Variants in ANPEP observed in about 807,000 individuals in gnomAD.
ANPEP encodes aminopeptidase N.
Under a neutral mutation model 114.6 loss-of-function variants are expected in ANPEP, and 70 were observed. That is an observed-to-expected ratio of 0.61 (90% CI 0.50 to 0.75). The LOEUF (loss-of-function observed/expected upper bound fraction) is 0.75, where lower values mean the gene tolerates loss of function less well. Among genes scored for constraint, ANPEP ranks in the 30% least tolerant of loss-of-function variants. The pLI, the probability that ANPEP is intolerant of heterozygous loss-of-function variation, is 0.00. For missense variants in ANPEP, 1,184 were observed against 1,259.5 expected, an observed-to-expected ratio of 0.94 and a Z score of 0.91; for synonymous variants, 548 against 522.3, an observed-to-expected ratio of 1.05 and a Z score of -0.67.
chr15:89,805,866 C>T, intron 2 of ANPEP, 104 bp downstream of exon 2: 1 of 1,459,384 alleles, frequency 6.9e-7, no homozygotes, highest in Non-Finnish European at 9.2e-7. Context: ...TCGGGCTCCA[C>T]AGGGTTCAAA....
rs1894655910 is a variant in ANPEP, at chr15:89,804,096, C to T, written c.1180-94G>A. 1.9e-6 allele frequency: 3 copies of T among 1,551,704 alleles called. No individual in the cohort carries two copies. The Admixed American group carries it at 5.1e-5, about 26-fold the overall frequency. On this transcript the variant is annotated intron_variant, in intron 6 of 20. Coordinates refer to ENST00000300060, the MANE Select transcript of ANPEP (RefSeq NM_001150.3). The stretch of plus-strand genomic sequence containing the variant: ...TCCCCAGGGCTGGCCATCTGCCAGG[C>T]ACAGTGGGGATTTCAACACCATCGT...
chr15:89,813,917 G>T (rs925488283), intron 1 of ANPEP, among the ~76,000 whole-genome samples: 1 of 152,094 alleles, frequency 6.6e-6, no homozygotes, highest in Non-Finnish European at 1.5e-5. Flanking sequence ...GGGCTGAGGT[G>T]GGGGAGGAGT....
Position 89,805,972 on chromosome 15 carries a change from T to A in ANPEP, c.612A>T (p.Arg204Ser), listed in dbSNP as rs1454087553. ...YRSEYMEGNVRKVVATTQMQA... is the reference protein window; with the variant it reads ...YRSEYMEGNVSKVVATTQMQA... ...CGGGCAGCCCAGCCGGAACTCACTTTCTGACATTGCCCTCCATGTACTCGC... is the reference window on the plus strand; with the variant it reads ...CGGGCAGCCCAGCCGGAACTCACTTACTGACATTGCCCTCCATGTACTCGC... Residue 204 changes from arginine to serine, a missense_variant and splice_region_variant, in exon 2 of 21, where the codon AGA becomes AGT. Coordinates refer to ENST00000300060, the MANE Select transcript of ANPEP (RefSeq NM_001150.3). 1.3e-6 allele frequency: 2 copies of A among 1,583,184 alleles called. No homozygotes were observed. Among genetic ancestry groups the A allele is most frequent in the East Asian group, 4.5e-5 (2 of 44,458 alleles).
Position 89,805,318 on chromosome 15 carries a change from C to G in ANPEP, c.757+3G>C, listed in dbSNP as rs767089576. ...CCTGTGGCCGCAGGCAGGGCCCACTCACCTTTGGGAAGCATGTTGGACAGG... is the reference window on the plus strand; with the variant it reads ...CCTGTGGCCGCAGGCAGGGCCCACTGACCTTTGGGAAGCATGTTGGACAGG... On this transcript the variant is annotated splice_donor_region_variant and intron_variant, in intron 3 of 20. Transcript: ENST00000300060. 1 of 1,613,526 alleles carries G rather than the reference C, an allele frequency of 6.2e-7. No individual in the cohort carries two copies.
chr15:89,785,038 C>T lies in ANPEP; in HGVS notation c.*311G>A, dbSNP rs576849356. 5.4e-5 allele frequency: 18 copies of T among 336,436 alleles called. No individual in the cohort carries two copies. The highest frequency in any genetic ancestry group is 8.2e-5 in the Admixed American group (2 of 24,276). 20.8% of individuals were successfully genotyped at this position (336,436 alleles called of 1,614,324 possible). ...CCCAGCAAGGCCGTTCATTGTCCAT[C>T]GAGAGCTTCTGCTCATCTGGCCCTG... On this transcript the variant is annotated 3_prime_UTR_variant, in exon 21 of 21. Transcript: ENST00000300060.
chr15:89,814,459 C>T (rs1235648752), intron 1 of ANPEP, among the ~76,000 whole-genome samples: 7 of 152,066 alleles, frequency 4.6e-5, no homozygotes, highest in South Asian at 2.1e-4. Flanking sequence ...CCGCCCTCCC[C>T]GTCCGTCCTC....
At position 89,799,418 on chromosome 15, in the gene ANPEP, A is replaced by G. The variant is rs1436352186; in HGVS notation, c.1953+8T>C. ...CAGGGGGCAGGGCGAGGGGTGGCAGACACTCACCGAGTGGTCTCTCTGCAG... is the reference window on the plus strand; with the variant it reads ...CAGGGGGCAGGGCGAGGGGTGGCAGGCACTCACCGAGTGGTCTCTCTGCAG... On this transcript the variant is annotated splice_region_variant and intron_variant, in intron 13 of 20. Coordinates refer to ENST00000300060, the MANE Select transcript of ANPEP (RefSeq NM_001150.3). This position sits in a 1 kb window ranked among gnomAD's most constrained non-coding sequence, Gnocchi z 4.2. The G allele has an allele frequency of 6.2e-7, 1 of 1,614,130 alleles. No individual in the cohort carries two copies. Among genetic ancestry groups the G allele is most frequent in the East Asian group, 2.2e-5 (1 of 44,886 alleles).
chr15:89,803,157 C>T lies in ANPEP; in HGVS notation c.1569+82G>A, dbSNP rs939352123. ...TCAGCCGCGGAGCTGGACCCATTCT[C>T]TTACGCATGTGCTGCCCCCAGGTAC... On this transcript the variant is annotated intron_variant, in intron 10 of 20. Transcript: ENST00000300060. The surrounding 1 kb of genome is among the most constrained non-coding windows in gnomAD (Gnocchi z 4.2). 3.4e-6 allele frequency: 5 copies of T among 1,485,538 alleles called. No individual in the cohort carries two copies. The South Asian group carries it at 5.7e-5, about 17-fold the overall frequency. The allele number at this position is 1,485,538 out of a possible 1,614,324, so 92.0% of individuals were successfully genotyped here.
At position 89,806,412 on chromosome 15, in the gene ANPEP, T is replaced by TGGTGGTGGCTGAGGCGGACGG; in HGVS notation, c.151_171dup (p.Pro51_Thr57dup). The TGGTGGTGGCTGAGGCGGACGG allele has an allele frequency of 5.0e-6, 8 of 1,613,940 alleles. No individual in the cohort carries two copies. Among genetic ancestry groups the TGGTGGTGGCTGAGGCGGACGG allele is most frequent in the Non-Finnish European group, 5.9e-6 (7 of 1,179,946 alleles). ...TCCAAGGTGGTGGCCGAGGCGGGGT[T>TGGTGGTGGCTGAGGCGGACGG]GGTGGTGGCTGAGGCGGACGGGGTG... On this transcript the variant is annotated inframe_insertion, in exon 2 of 21. Transcript: ENST00000300060. This position sits in a 1 kb window ranked among gnomAD's most constrained non-coding sequence, Gnocchi z 5.7.
At chr15:89,792,055 G>T (rs1968637585) in intron 18 of ANPEP, 105 bp downstream of exon 18, 5 of 1,356,332 alleles carry the variant, frequency 3.7e-6, no homozygotes, top group Non-Finnish European at 4.0e-6. Flanking sequence ...CACCTCAACA[G>T]GTCTGTGGGG....
chr15:89,792,541 G>A lies in ANPEP; in HGVS notation c.2271C>T (p.Ile757=), dbSNP rs1221372000. The A allele has an allele frequency of 6.2e-6, 10 of 1,614,058 alleles. No individual in the cohort carries two copies. The highest frequency in any genetic ancestry group is 1.3e-5 in the African/African-American group (1 of 74,926). Residue 757 remains isoleucine, a synonymous_variant, in exon 17 of 21, where the codon ATC becomes ATT. Transcript: ENST00000300060. ...LMDQYSEVNA[I]STACSNGVPE... ...GAACTCCGTTGGAGCAGGCGGTGCT[G>A]ATGGCATTAACCTCGCTGTACCTGC...
intron 1 of ANPEP, among the ~76,000 whole-genome samples, chr15:89,811,895 C>G (rs1237509014): frequency 6.6e-6 from 1 of 152,174 alleles, no homozygotes; most frequent in Non-Finnish European, 1.5e-5. Flanking sequence ...ACTAAAGCAG[C>G]CTTTCTATGG....
chr15:89,812,478 C>T (rs1227825349), intron 1 of ANPEP, among the ~76,000 whole-genome samples: 1 of 152,214 alleles, frequency 6.6e-6, no homozygotes, highest in Admixed American at 6.5e-5. Context: ...ATTGCCCCTC[C>T]TGCAAGAACC....
At chr15:89,786,890 GAGA>G (rs1372600637) in intron 20 of ANPEP, among the ~76,000 whole-genome samples, 1 of 152,050 alleles carries the variant, frequency 6.6e-6, no homozygotes, top group Non-Finnish European at 1.5e-5. Context: ...CATTCAGTGG[GAGA>G]AGAACAGTCT....
chr15:89,814,029 G>A (rs973095721), intron 1 of ANPEP, among the ~76,000 whole-genome samples: 2 of 150,484 alleles, frequency 1.3e-5, no homozygotes, highest in African/African-American at 5.0e-5. Flanking sequence ...TTTGGGGAAA[G>A]GATCCCATTG....
intron 14 of ANPEP, among the ~76,000 whole-genome samples, chr15:89,798,125 C>G (rs1007733593): frequency 1.3e-5 from 2 of 152,242 alleles, no homozygotes; most frequent in Non-Finnish European, 2.9e-5. Context: ...TTTCTGGGCA[C>G]TCTAGGCCTT....
rs1375588944 is a variant in ANPEP, at chr15:89,805,074, A to C, written c.897+4T>G. 2 of 1,614,106 alleles carry C rather than the reference A, an allele frequency of 1.2e-6. No individual in the cohort carries two copies. The highest frequency in any genetic ancestry group is 1.3e-5 in the African/African-American group (1 of 74,950). ...GTGAAGGAGAGATGGGCCCAGCCTC[A>C]TACCAAGACACCATTGGATGCCTGC... On this transcript the variant is annotated splice_donor_region_variant and intron_variant, in intron 4 of 20. Transcript: ENST00000300060.
chr15:89,806,973 T>C lies in ANPEP; in HGVS notation c.-223-167A>G, dbSNP rs1301557514. On this transcript the variant is annotated intron_variant, in intron 1 of 20. Coordinates refer to ENST00000300060, the MANE Select transcript of ANPEP (RefSeq NM_001150.3). The surrounding 1 kb of genome is among the most constrained non-coding windows in gnomAD (Gnocchi z 5.7). ...GAGAGGGTGGGAACAGCATCAGAAC[T>C]GAGGTTAGAGTCAGGGAAGGACTTC... The C allele has an allele frequency of 5.1e-6, 1 of 197,072 alleles. No homozygotes were observed. Among genetic ancestry groups the C allele is most frequent in the African/African-American group, 2.3e-5 (1 of 43,448 alleles). The allele number at this position is 197,072 out of a possible 1,614,324, so 12.2% of individuals were successfully genotyped here.
chr15:89,794,548 G>A (rs1383685843), intron 15 of ANPEP, among the ~76,000 whole-genome samples: 1 of 151,926 alleles, frequency 6.6e-6, no homozygotes, highest in Admixed American at 6.6e-5. Flanking sequence ...AGGGACAGAG[G>A]GGAGGTAAGG....
Sources: gnomAD v4.1 joint callset for allele counts (sites outside exome capture counted in the v4.1 genomes callset) on GRCh38, gnomAD v4.1.1 for gene constraint, Gnocchi (gnomAD v3.1) non-coding constraint, MANE v1.5 for transcripts, NCBI Gene and HGNC (gene_info 2026-07-23, HGNC 2026-07-21) for gene names.